The following SFTPB variants were observed in gnomAD, a reference collection of about 807,000 sequenced individuals.
The protein encoded by SFTPB is surfactant protein B.
SFTPB carries 32 observed loss-of-function variants against 51.0 expected under a neutral mutation model. The observed-to-expected ratio is 0.63, with a 90% CI of 0.47 to 0.84. SFTPB has a LOEUF of 0.84. Ranked by LOEUF, SFTPB falls within the 40% of genes least tolerant of loss-of-function variation. The pLI, the probability that SFTPB is intolerant of heterozygous loss-of-function variation, is 0.00. For missense variants in SFTPB, 431 were observed against 491.2 expected, an observed-to-expected ratio of 0.88 and a Z score of 1.16; for synonymous variants, 211 against 208.5, an observed-to-expected ratio of 1.01 and a Z score of -0.10.
At chr2:85,665,229 C>G (rs1677511607) in intron 6 of SFTPB, 60 bp downstream of exon 6, 1 of 1,235,552 alleles carries the variant, frequency 8.1e-7, no homozygotes, top group South Asian at 1.2e-5. Flanking sequence ...GAGGTGGGAG[C>G]TGCAGGGAGC....
intron 10 of SFTPB, among the ~76,000 whole-genome samples, chr2:85,660,523 C>T (rs571929104): frequency 3.4e-4 from 50 of 147,298 alleles, no homozygotes; most frequent in Middle Eastern, 3.6e-3. Flanking sequence ...GATCTCGGCA[C>T]ACCGCAACCT....
chr2:85,664,306 C>T (rs903350385), intron 6 of SFTPB, among the ~76,000 whole-genome samples: 10 of 152,134 alleles, frequency 6.6e-5, no homozygotes, highest in African/African-American at 2.4e-4. Context: ...TTGCTCTGGC[C>T]AGTGTGTAAA....
upstream of SFTPB, chr2:85,668,354 C>T (rs1229841390): frequency 3.0e-6 from 2 of 667,596 alleles, no homozygotes; most frequent in Admixed American, 2.2e-5. Context: ...CCTGCCTTAC[C>T]ACCTGTCCTG....
At chr2:85,662,384 T>A in intron 8 of SFTPB, 1 of 1,008,000 alleles carries the variant, frequency 9.9e-7, no homozygotes, top group Non-Finnish European at 1.3e-6. Flanking sequence ...TCCACCTCCA[T>A]TTCAGTTCTA....
intron 2 of SFTPB, 134 bp downstream of exon 2, chr2:85,667,545 A>G: frequency 1.0e-6 from 1 of 979,696 alleles, no homozygotes; most frequent in Non-Finnish European, 1.6e-6. Flanking sequence ...ATTTTATCCT[A>G]TCTCATTTCA....
rs144870775 is a variant in SFTPB at position 85,666,391 on chromosome 2, C to CTGTGTGTG, written c.393+218_393+225dup. ...TGTGTGTGTCCGGCCAGCTGGGGTA[C>CTGTGTGTG]TGTGTGTGTGTGTGTCCGGCCAGCT... On this transcript the variant is annotated intron_variant, in intron 4 of 10. Coordinates refer to ENST00000519937, the MANE Select transcript of SFTPB (RefSeq NM_000542.5). 7 of 378,338 alleles carry CTGTGTGTG rather than the reference C, an allele frequency of 1.9e-5. No homozygotes were observed. In the African/African-American group the frequency reaches 2.1e-4, roughly 12 times the overall value. 23.4% of individuals were successfully genotyped at this position (378,338 alleles called of 1,614,324 possible). A position where few individuals can be genotyped will look rare whatever the true frequency, so the allele number is the denominator to read the frequency against.
intron 3 of SFTPB, 57 bp from the exon 4 acceptor site, chr2:85,666,799 T>C: frequency 6.2e-7 from 1 of 1,610,870 alleles, no homozygotes; most frequent in African/African-American, 1.3e-5. Flanking sequence ...CCCGCCCAAG[T>C]CCCTGGACAC....
In SFTPB at chr2:85,658,919, G is replaced by C. The variant is rs1264892105; in HGVS notation, c.*783C>G. 6.6e-6 allele frequency: 1 copy of C among 152,118 alleles called. No homozygotes were observed. The allele number at this position is 152,118 out of a possible 1,614,324, so 9.4% of individuals were successfully genotyped here. ...TGCAGACATTGTATTACACAGGAAT[G>C]GGTCCCTAGCTTGCACAACCCCAGC... On this transcript the variant is annotated 3_prime_UTR_variant, in exon 11 of 11. Coordinates refer to ENST00000519937, the MANE Select transcript of SFTPB (RefSeq NM_000542.5).
chr2:85,666,490 G>T (rs1217502479), intron 4 of SFTPB, 127 bp downstream of exon 4: 1 of 886,170 alleles, frequency 1.1e-6, no homozygotes, highest in Non-Finnish European at 1.7e-6. Context: ...GCCGGCTTGG[G>T]TGCTGTGTGT....
At position 85,668,179 on chromosome 2, in the gene SFTPB, G is replaced by C. The variant is rs1297321720; in HGVS notation, c.5C>G (p.Ala2Gly). The part of the protein sequence containing the change: M[A>G]ESHLLQWLLL... ...CAGCCACTGCAGCAGGTGTGACTCA[G>C]CCATGGCACCTCTGCAGCCTGGGTA... Residue 2 changes from alanine (A) to glycine (G), a missense_variant, in exon 1 of 11, where the codon GCT becomes GGT. Physicochemically the swap from Ala to Gly is moderately conservative, Grantham distance 60 (BLOSUM62 0). Transcript: ENST00000519937. 1 of 1,551,414 alleles carries C rather than the reference G, an allele frequency of 6.4e-7. No homozygotes were observed. The highest frequency in any genetic ancestry group is 2.0e-5 in the Admixed American group (1 of 51,008).
rs779211401 is a variant in SFTPB at position 85,663,764 on chromosome 2, G to T, written c.756C>A (p.Arg252=). 1.0e-5 allele frequency: 16 copies of T among 1,607,978 alleles called. No individual in the cohort carries two copies. Among genetic ancestry groups the T allele is most frequent in the Non-Finnish European group, 1.3e-5 (15 of 1,177,812 alleles). The part of the protein sequence containing the change: ...AGGICQCLAE[R]YSVILLDTLL... ...GCGTGTCGAGCAGGATGACGGAGTA[G>T]CGCTCAGCCAGGCACTGGCAGATGC... Residue 252 remains arginine (R), a synonymous_variant, in exon 7 of 11, where the codon CGC becomes CGA. Coordinates refer to ENST00000519937, the MANE Select transcript of SFTPB (RefSeq NM_000542.5).
rs757279120 is a variant in SFTPB at position 85,666,735 on chromosome 2, A to G, written c.275T>C (p.Met92Thr). Residue 92 changes from methionine to threonine, a missense_variant, in exon 4 of 11, where the codon ATG becomes ACG. Met to Thr is a moderately conservative substitution (Grantham distance 81, BLOSUM62 -1). Transcript: ENST00000519937. Reference sequence around the variant, plus strand: ...GCACTCCTGCTCCAGGAACTTCCTCATCGTGTCCTGGGAGGCCAGAGGGGG... The same window carrying G: ...GCACTCCTGCTCCAGGAACTTCCTCGTCGTGTCCTGGGAGGCCAGAGGGGG... ...MAKEAIFQDT[M>T]RKFLEQECNV... 6.8e-6 allele frequency: 11 copies of G among 1,613,770 alleles called. No individual in the cohort carries two copies. The highest frequency in any genetic ancestry group is 1.7e-5 in the Admixed American group (1 of 60,010).
At position 85,665,521 on chromosome 2, in the gene SFTPB, C is replaced by G. The variant is rs189222968; in HGVS notation, c.582+85G>C. The G allele has an allele frequency of 3.3e-5, 50 of 1,523,668 alleles. No individual in the cohort carries two copies. In the East Asian group the frequency reaches 1.1e-3, roughly 33 times the overall value. 94.4% of individuals were successfully genotyped at this position (1,523,668 alleles called of 1,614,324 possible). ...TCCTATCACCTTCCCGGCTCTGCCT[C>G]TCCCAGGGCCCAGTGCCCATGGGCT... On this transcript the variant is annotated intron_variant, in intron 5 of 10. Coordinates refer to ENST00000519937, the MANE Select transcript of SFTPB (RefSeq NM_000542.5).
In SFTPB at chr2:85,662,004, G is replaced by A. The variant is rs569735896; in HGVS notation, c.1083+25C>T. On this transcript the variant is annotated intron_variant, in intron 9 of 10. Transcript: ENST00000519937. ...CTCTGGGAGCCAAGGGAAGTCCTAG[G>A]ACCAACTGGGAGGGGTGGGTGTACC... 4 of 1,581,324 alleles carry A rather than the reference G, an allele frequency of 2.5e-6. No homozygotes were observed. In the African/African-American group the frequency reaches 5.3e-5, roughly 21 times the overall value.
rs1374507171 is a variant in SFTPB at position 85,658,304 on chromosome 2, T to C, written c.*1398A>G. On this transcript the variant is annotated 3_prime_UTR_variant, in exon 11 of 11. Coordinates refer to ENST00000519937, the MANE Select transcript of SFTPB (RefSeq NM_000542.5). ...GCTTGTTTGGCTTTTTGTTTATTTT[T>C]AGGTTTTTGGTGTCCTCATGACCTA... 2 of 152,228 alleles carry C rather than the reference T, an allele frequency of 1.3e-5. No individual in the cohort carries two copies. The highest frequency in any genetic ancestry group is 2.4e-5 in the African/African-American group (1 of 41,460). The allele number at this position is 152,228 out of a possible 1,614,324, so 9.4% of individuals were successfully genotyped here.
At chr2:85,668,399 C>T, upstream of SFTPB, 1 of 605,404 alleles carries the variant, frequency 1.7e-6, no homozygotes, top group Non-Finnish European at 3.0e-6. Flanking sequence ...TTGCCCCCTG[C>T]CCAGACTCCC....
chr2:85,664,923 C>T (rs1300199749), intron 6 of SFTPB, among the ~76,000 whole-genome samples: 1 of 152,214 alleles, frequency 6.6e-6, no homozygotes, highest in African/African-American at 2.4e-5. Context: ...GTGGAAATTC[C>T]CCTCTTGAAA....
Position 85,666,462 on chromosome 2 carries a change from G to A in SFTPB, c.393+155C>T, listed in dbSNP as rs377298340. The A allele has an allele frequency of 7.4e-5, 49 of 662,534 alleles. 1 individual carries two copies. The highest frequency in any genetic ancestry group is 6.5e-4 in the South Asian group (37 of 56,532). 41.0% of individuals were successfully genotyped at this position (662,534 alleles called of 1,614,324 possible). The stretch of plus-strand genomic sequence containing the variant: ...GTGTGTGTGTCCGGCTGGCTGGGGT[G>A]CTGTGTGTTTGTGTCTGGCCGGCTT... On this transcript the variant is annotated intron_variant, in intron 4 of 10. Transcript: ENST00000519937.
At chr2:85,666,827 G>T in intron 3 of SFTPB, 85 bp from the exon 4 acceptor site, 1 of 1,563,996 alleles carries the variant, frequency 6.4e-7, no homozygotes, top group South Asian at 1.1e-5. Context: ...CACCAGGGCA[G>T]ACTGACCCCT....
Sources: allele counts gnomAD v4.1 joint callset (sites outside exome capture counted in the v4.1 genomes callset), GRCh38; gene constraint gnomAD v4.1.1; transcripts MANE v1.5; gene names NCBI Gene and HGNC (gene_info 2026-07-23, HGNC 2026-07-21).